Variants in RAPGEF4 observed in about 807,000 individuals in gnomAD.
RAPGEF4 encodes the protein RAP guanine-nucleotide-exchange factor (GEF) 4.
Under a neutral mutation model 147.9 loss-of-function variants are expected in RAPGEF4, and 66 were observed. That is an observed-to-expected ratio of 0.45 (90% confidence interval 0.37 to 0.55). RAPGEF4 has a LOEUF of 0.55. RAPGEF4 is among the 20% of genes least tolerant of loss of function. RAPGEF4 has a pLI of 0.00. For missense variants in RAPGEF4, 1,071 were observed against 1,257.3 expected, an observed-to-expected ratio of 0.85 and a Z score of 2.24; for synonymous variants, 419 against 442.7, an observed-to-expected ratio of 0.95 and a Z score of 0.67.
chr2:172,767,509 CAT>C (rs1233526313), intron 1 of RAPGEF4, among the ~76,000 whole-genome samples: 1 of 152,066 alleles, frequency 6.6e-6, no homozygotes, highest in African/African-American at 2.4e-5. Context: ...AACATATAAA[CAT>C]ATGCATGGAC....
chr2:172,765,267 G>T (rs1214318080), intron 1 of RAPGEF4, among the ~76,000 whole-genome samples: 1 of 152,126 alleles, frequency 6.6e-6, no homozygotes, highest in Non-Finnish European at 1.5e-5. Context: ...TCTTCTTAAC[G>T]AATTACATCT....
intron 15 of RAPGEF4, among the ~76,000 whole-genome samples, chr2:172,993,885 G>T (rs1693067734): frequency 1.3e-5 from 2 of 152,220 alleles, no homozygotes; most frequent in African/African-American, 4.8e-5. Flanking sequence ...GGTAGCAAAA[G>T]AAAGATCCTG....
At chr2:173,037,073 C>T (rs142489828) in intron 29 of RAPGEF4, among the ~76,000 whole-genome samples, 2,624 of 152,166 alleles carry the variant, frequency 0.017, 23 homozygotes, top group Middle Eastern at 0.051. Flanking sequence ...CTTCAGTGCC[C>T]GTAGGTAAAA....
intron 4 of RAPGEF4, chr2:172,821,749 A>T: frequency 9.0e-7 from 1 of 1,105,726 alleles, no homozygotes; most frequent in Non-Finnish European, 1.1e-6. Flanking sequence ...AAAAAAAAAA[A>T]AAAAAAAAAA....
chr2:172,915,426 C>G (rs1683956685), intron 4 of RAPGEF4, among the ~76,000 whole-genome samples: 1 of 152,062 alleles, frequency 6.6e-6, no homozygotes, highest in Admixed American at 6.6e-5. Flanking sequence ...TCTGACCAGG[C>G]ATGGTGGCTC....
At chr2:172,770,887 G>A (rs1341152699) in intron 1 of RAPGEF4, among the ~76,000 whole-genome samples, 3 of 152,064 alleles carry the variant, frequency 2.0e-5, no homozygotes, top group Non-Finnish European at 4.4e-5. Flanking sequence ...ACATGGATCA[G>A]TTTACCCTAG....
rs1339555702 is a variant in RAPGEF4 at position 173,052,440 on chromosome 2, A to T, written c.*673A>T. The T allele has an allele frequency of 6.6e-6, 1 of 152,668 alleles. No individual in the cohort carries two copies. Among genetic ancestry groups the T allele is most frequent in the Non-Finnish European group, 1.5e-5 (1 of 68,048 alleles). 9.5% of individuals were successfully genotyped at this position (152,668 alleles called of 1,614,324 possible). A position where few individuals can be genotyped will look rare whatever the true frequency, so the allele number is the denominator to read the frequency against. On this transcript the variant is annotated 3_prime_UTR_variant, in exon 31 of 31. Coordinates refer to ENST00000397081, the MANE Select transcript of RAPGEF4 (RefSeq NM_007023.4). Reference sequence around the variant, plus strand: ...TCAGGATTATATACATAAGAATTCCACTAAGAAATGCCAAGATTCTTAAAT... The same window carrying T: ...TCAGGATTATATACATAAGAATTCCTCTAAGAAATGCCAAGATTCTTAAAT...
chr2:172,842,757 G>A (rs115879205), intron 4 of RAPGEF4, among the ~76,000 whole-genome samples: 1,599 of 152,278 alleles, frequency 0.011, 34 homozygotes, highest in African/African-American at 0.036. Context: ...TGCCACTTTC[G>A]TCATAGTCAC....
At chr2:172,819,902 AT>A (rs1433181301) in intron 4 of RAPGEF4, among the ~76,000 whole-genome samples, 1 of 152,240 alleles carries the variant, frequency 6.6e-6, no homozygotes, top group East Asian at 1.9e-4. Context: ...TATTATATTA[AT>A]AGTTGATCTA....
chr2:172,797,403 T>C (rs979131266), intron 2 of RAPGEF4, 122 bp from the exon 3 acceptor site: 10 of 659,444 alleles, frequency 1.5e-5, no homozygotes, highest in Non-Finnish European at 2.6e-5. Context: ...GGGCAACAGA[T>C]AGGGGAAGGG....
chr2:173,035,290 C>T (rs1245786051), intron 27 of RAPGEF4, among the ~76,000 whole-genome samples: 1 of 151,834 alleles, frequency 6.6e-6, no homozygotes, highest in Non-Finnish European at 1.5e-5. Context: ...GGGCAGATCA[C>T]GAGGTCAGGA....
chr2:172,753,900 A>ACACC (rs760536662), intron 1 of RAPGEF4, among the ~76,000 whole-genome samples: 1 of 150,660 alleles, frequency 6.6e-6, no homozygotes, highest in African/African-American at 2.5e-5. Flanking sequence ...ACACACACAC[A>ACACC]CCCGACACAC....
chr2:172,982,600 G>C (rs115097019), intron 10 of RAPGEF4, among the ~76,000 whole-genome samples: 1 of 152,032 alleles, frequency 6.6e-6, no homozygotes, highest in African/African-American at 2.4e-5. Context: ...TTATAGATAC[G>C]AAAAGTGATT....
At chr2:172,831,265 A>ATTTTTTTTTTTTT (rs1491195850) in intron 4 of RAPGEF4, among the ~76,000 whole-genome samples, 35 of 16,548 alleles carry the variant, frequency 2.1e-3, no homozygotes, top group Non-Finnish European at 3.1e-3. Flanking sequence ...CAGATAGAAA[A>ATTTTTTTTTTTTT]CTTTTTTTTT....
At chr2:172,969,909 C>G (rs17300973) in intron 10 of RAPGEF4, among the ~76,000 whole-genome samples, 41,576 of 152,082 alleles carry the variant, frequency 0.27, 6,771 homozygotes, top group East Asian at 0.43. Context: ...TATTACATTC[C>G]AAAACTGACA....
chr2:172,801,532 G>C (rs920042873), intron 3 of RAPGEF4, among the ~76,000 whole-genome samples: 2 of 152,152 alleles, frequency 1.3e-5, no homozygotes, highest in Non-Finnish European at 2.9e-5. Context: ...CCTATGACAG[G>C]AGGCTATGTG....
At chr2:173,020,800 T>G (rs1300627626) in intron 23 of RAPGEF4, 85 bp downstream of exon 23, 1 of 1,044,882 alleles carries the variant, frequency 9.6e-7, no homozygotes, top group Non-Finnish European at 1.4e-6. Context: ...CTGAACCCAG[T>G]GGCTAAAAAA....
intron 4 of RAPGEF4, among the ~76,000 whole-genome samples, chr2:172,850,343 C>A (rs1280070096): frequency 6.6e-6 from 1 of 152,090 alleles, no homozygotes; most frequent in Non-Finnish European, 1.5e-5. Flanking sequence ...TCAGGCCAGG[C>A]GTGGTGGCTC....
At chr2:173,046,957 A>G (rs963388854) in intron 29 of RAPGEF4, among the ~76,000 whole-genome samples, 1 of 152,148 alleles carries the variant, frequency 6.6e-6, no homozygotes, top group Non-Finnish European at 1.5e-5. Context: ...AGCTTTCTCA[A>G]AGTCATTTTC....
Sources: gnomAD v4.1 joint callset for allele counts (sites outside exome capture counted in the v4.1 genomes callset) on GRCh38, gnomAD v4.1.1 for gene constraint, MANE v1.5 for transcripts, NCBI Gene and HGNC (gene_info 2026-07-23, HGNC 2026-07-21) for gene names.